The following SCLT1 variants were observed in gnomAD, a reference collection of about 807,000 sequenced individuals.
The protein encoded by SCLT1 is sodium channel-associated protein 1.
SCLT1 carries 78 observed loss-of-function variants against 112.8 expected under a neutral mutation model. The ratio of observed to expected loss-of-function variants is 0.69; its 90% CI spans 0.58 to 0.83. The LOEUF is 0.83. SCLT1 is among the 40% of genes least tolerant of loss of function. The probability of loss-of-function intolerance (pLI) is 0.00; values close to 1 mark genes in which losing one functional copy is unlikely to be tolerated. For missense variants in SCLT1, 747 were observed against 770.4 expected, an observed-to-expected ratio of 0.97 and a Z score of 0.36; for synonymous variants, 257 against 254.7, an observed-to-expected ratio of 1.01 and a Z score of -0.09.
chr4:129,062,924 C>T (rs1750120325), intron 2 of SCLT1, among the ~76,000 whole-genome samples: 3 of 152,220 alleles, frequency 2.0e-5, no homozygotes, highest in Admixed American at 1.3e-4. Flanking sequence ...GTCCAGACGT[C>T]TCCCAAGATT....
chr4:128,972,638 C>T (rs1740789764), intron 9 of SCLT1, among the ~76,000 whole-genome samples: 1 of 152,134 alleles, frequency 6.6e-6, no homozygotes, highest in South Asian at 2.1e-4. Context: ...TAGATTCTTT[C>T]CTTATTTCAA....
intron 8 of SCLT1, 44 bp from the exon 9 acceptor site, chr4:128,992,281 A>G (rs1423048060): frequency 1.1e-5 from 14 of 1,227,840 alleles, no homozygotes; most frequent in Non-Finnish European, 1.5e-5. Context: ...ATATTTAATA[A>G]CTGTATCTTT....
Position 129,084,225 on chromosome 4 carries a change from G to C in SCLT1, c.35-1852C>G, listed in dbSNP as rs1482475068. On this transcript the variant is annotated intron_variant, in intron 1 of 20. Transcript: ENST00000281142. ...AGTAAAAGACCTAAAAGACACAAAG[G>C]CTGGAAAAGATGAAACAACTGTCAT... 5.9e-5 allele frequency among the ~76,000 whole-genome samples: 9 copies of C among 152,190 alleles called. No individual in the cohort carries two copies. The South Asian group carries it at 1.9e-3, about 32-fold the overall frequency.
At chr4:128,881,365 CTCTT>C (rs1455342359), downstream of SCLT1, among the ~76,000 whole-genome samples, 2 of 152,078 alleles carry the variant, frequency 1.3e-5, no homozygotes, top group East Asian at 1.9e-4. Context: ...TGTTTTTTCA[CTCTT>C]TCTTGATTTG....
intron 18 of SCLT1, among the ~76,000 whole-genome samples, chr4:128,930,810 C>CA (rs1362232687): frequency 6.6e-6 from 1 of 151,914 alleles, no homozygotes; most frequent in Non-Finnish European, 1.5e-5. Flanking sequence ...TCGACAGTTA[C>CA]AAAACGAGGG....
At chr4:129,027,710 T>C (rs1008368293) in intron 5 of SCLT1, among the ~76,000 whole-genome samples, 68 of 152,144 alleles carry the variant, frequency 4.5e-4, no homozygotes, top group Non-Finnish European at 8.8e-4. Context: ...TAAAGGGTAT[T>C]CAATTAGGAA....
chr4:128,910,716 T>A (rs1189794458), intron 18 of SCLT1, among the ~76,000 whole-genome samples: 1 of 152,062 alleles, frequency 6.6e-6, no homozygotes, highest in Non-Finnish European at 1.5e-5. Flanking sequence ...CTTTAATACG[T>A]CTGGAATTTA....
chr4:128,929,856 T>G (rs571886783), intron 18 of SCLT1, among the ~76,000 whole-genome samples: 3 of 152,236 alleles, frequency 2.0e-5, no homozygotes, highest in African/African-American at 7.2e-5. Flanking sequence ...CATGGTGTTA[T>G]AACAAAATAC....
intron 14 of SCLT1, 78 bp from the exon 15 acceptor site, chr4:128,948,648 C>A: frequency 1.9e-6 from 2 of 1,030,036 alleles, no homozygotes; most frequent in South Asian, 2.8e-5. Flanking sequence ...ATAATTTGTT[C>A]ATAATGGGAA....
chr4:129,004,556 A>T (rs1408345149), intron 5 of SCLT1, among the ~76,000 whole-genome samples: 1 of 152,116 alleles, frequency 6.6e-6, no homozygotes, highest in Non-Finnish European at 1.5e-5. Flanking sequence ...AATTTAAAAT[A>T]ATACATACTT....
intron 18 of SCLT1, among the ~76,000 whole-genome samples, chr4:128,892,801 T>C (rs1378876287): frequency 6.6e-6 from 1 of 152,202 alleles, no homozygotes; most frequent in Non-Finnish European, 1.5e-5. Context: ...CACAGGTTCA[T>C]TGACTATGAG....
At chr4:129,076,809 T>C (rs1751505802) in intron 2 of SCLT1, among the ~76,000 whole-genome samples, 2 of 152,106 alleles carry the variant, frequency 1.3e-5, no homozygotes, top group Non-Finnish European at 1.5e-5. Context: ...CAGAGAGCAA[T>C]GCCACTTGAA....
At chr4:129,031,574 G>T (rs1346374756) in intron 5 of SCLT1, among the ~76,000 whole-genome samples, 1 of 152,092 alleles carries the variant, frequency 6.6e-6, no homozygotes, top group Non-Finnish European at 1.5e-5. Flanking sequence ...CATCGTATCA[G>T]CCCAGAAACT....
intron 9 of SCLT1, among the ~76,000 whole-genome samples, chr4:128,986,739 G>A (rs534716623): frequency 9.2e-5 from 14 of 152,282 alleles, no homozygotes; most frequent in African/African-American, 3.4e-4. Flanking sequence ...CTGATGGGAT[G>A]GACCCCATCC....
At chr4:129,092,926 T>A in intron 1 of SCLT1, 144 bp downstream of exon 1, 2 of 663,138 alleles carry the variant, frequency 3.0e-6, no homozygotes. Context: ...ACGTATAACA[T>A]CAAGGTTTTT....
At chr4:128,911,814 T>A (rs1735119836) in intron 18 of SCLT1, among the ~76,000 whole-genome samples, 2 of 152,130 alleles carry the variant, frequency 1.3e-5, no homozygotes, top group African/African-American at 4.8e-5. Flanking sequence ...AGCAAATAGG[T>A]GGACAAAAGC....
chr4:129,067,459 A>C (rs914583297), intron 2 of SCLT1, among the ~76,000 whole-genome samples: 5 of 151,820 alleles, frequency 3.3e-5, no homozygotes, highest in African/African-American at 1.2e-4. Flanking sequence ...TAATTTCAAA[A>C]ACTGATTTAT....
intron 9 of SCLT1, among the ~76,000 whole-genome samples, chr4:128,979,810 A>G (rs952718483): frequency 6.6e-6 from 1 of 152,198 alleles, no homozygotes; most frequent in Non-Finnish European, 1.5e-5. Context: ...CTGAACAATG[A>G]TGTTATGTAT....
Position 128,969,781 on chromosome 4 carries a change from T to C in SCLT1, c.777+597A>G, listed in dbSNP as rs78342383. Among the ~76,000 whole-genome samples, 128 of 152,314 alleles carry C rather than the reference T, an allele frequency of 8.4e-4. 1 individual carries two copies. In the East Asian group the frequency reaches 0.021, roughly 25 times the overall value. On this transcript the variant is annotated intron_variant, in intron 10 of 20. Transcript: ENST00000281142. The stretch of plus-strand genomic sequence containing the variant: ...GGTGCTTTCTGGTGTTTTAAAAATT[T>C]ATCCAAGTTTTAAAATTGTTACCTA...
Sources: gnomAD v4.1 joint callset for allele counts (sites outside exome capture counted in the v4.1 genomes callset) on GRCh38, gnomAD v4.1.1 for gene constraint, MANE v1.5 for transcripts, NCBI Gene and HGNC (gene_info 2026-07-23, HGNC 2026-07-21) for gene names.